The following OSBPL3 variants were observed in gnomAD, a reference collection of about 807,000 sequenced individuals.
OSBPL3 encodes oxysterol-binding protein-related protein 3.
In OSBPL3, 65 loss-of-function variants were observed where a neutral mutation model predicts 120.1. That is an observed-to-expected ratio of 0.54 (90% CI 0.44 to 0.67). The LOEUF (loss-of-function observed/expected upper bound fraction) is 0.67, where lower values mean the gene tolerates loss of function less well. Ranked by LOEUF, OSBPL3 falls within the 30% of genes least tolerant of loss-of-function variation. The probability of loss-of-function intolerance (pLI) is 0.00; values close to 1 mark genes in which losing one functional copy is unlikely to be tolerated. For synonymous variants in OSBPL3, 416 were observed against 402.6 expected (o/e 1.03, Z -0.40); for missense variants, 1,004 against 1,082.1 (o/e 0.93, Z 1.01).
At chr7:24,838,046 A>T (rs1797231275) in intron 14 of OSBPL3, among the ~76,000 whole-genome samples, 1 of 152,198 alleles carries the variant, frequency 6.6e-6, no homozygotes, top group Non-Finnish European at 1.5e-5. Context: ...TGTAAAGGTT[A>T]TTTCTGTATC....
chr7:24,885,089 G>T (rs1246579528), intron 2 of OSBPL3, among the ~76,000 whole-genome samples: 1 of 151,948 alleles, frequency 6.6e-6, no homozygotes, highest in African/African-American at 2.4e-5. Context: ...GGTACTACAG[G>T]TGCACACCTG....
rs1164237593 is a variant in OSBPL3 at position 24,797,490 on chromosome 7, T to C, written c.*2693A>G. On this transcript the variant is annotated 3_prime_UTR_variant, in exon 23 of 23. Coordinates refer to ENST00000313367, the MANE Select transcript of OSBPL3 (RefSeq NM_015550.4). This position sits in a 1 kb window ranked among gnomAD's most constrained non-coding sequence, Gnocchi z 4.8. The stretch of plus-strand genomic sequence containing the variant: ...CATGGAGAAGCTGCATTGAGGCTTT[T>C]ATTATTAATACCTATGACTCAAGGA... The C allele has an allele frequency of 6.6e-6, 1 of 152,146 alleles. No homozygotes were observed. The highest frequency in any genetic ancestry group is 1.5e-5 in the Non-Finnish European group (1 of 68,044). 9.4% of individuals were successfully genotyped at this position (152,146 alleles called of 1,614,324 possible). A position where few individuals can be genotyped will look rare whatever the true frequency, so the allele number is the denominator to read the frequency against.
chr7:24,945,376 A>G (rs934389058), intron 1 of OSBPL3, among the ~76,000 whole-genome samples: 1 of 152,238 alleles, frequency 6.6e-6, no homozygotes, highest in African/African-American at 2.4e-5. Context: ...TTCATTCAAC[A>G]TAGACTTAGT....
At chr7:24,905,920 T>A (rs1340758784) in intron 1 of OSBPL3, among the ~76,000 whole-genome samples, 1 of 151,862 alleles carries the variant, frequency 6.6e-6, no homozygotes, top group Non-Finnish European at 1.5e-5. Flanking sequence ...TAATCCCAGC[T>A]ATTTGGGAGG....
Position 24,970,628 on chromosome 7 carries a change from C to T in OSBPL3, c.-150+9258G>A, listed in dbSNP as rs182468897. 8.4e-3 allele frequency among the ~76,000 whole-genome samples: 1,277 copies of T among 152,140 alleles called. 27 individuals carry two copies. The highest frequency in any genetic ancestry group is 0.029 in the African/African-American group (1,197 of 41,470). On this transcript the variant is annotated intron_variant, in intron 1 of 22. Transcript: ENST00000313367. ...TAGAGAGAAGGAGGAGTGCTATAAACATATATATCCCGAACTGAAGTGAAT... is the reference window on the plus strand; with the variant it reads ...TAGAGAGAAGGAGGAGTGCTATAAATATATATATCCCGAACTGAAGTGAAT...
At chr7:24,902,734 T>TAATA (rs998538835) in intron 1 of OSBPL3, among the ~76,000 whole-genome samples, 2 of 147,060 alleles carry the variant, frequency 1.4e-5, no homozygotes, top group Non-Finnish European at 3.0e-5. Flanking sequence ...ATAATAATAA[T>TAATA]AAAGAAAGGA....
chr7:24,864,684 TC>T (rs1398478884), intron 7 of OSBPL3, among the ~76,000 whole-genome samples: 2 of 152,296 alleles, frequency 1.3e-5, no homozygotes, highest in African/African-American at 4.8e-5. Context: ...TATGCCTAAA[TC>T]CCACCCCCAG....
At position 24,968,448 on chromosome 7, in the gene OSBPL3, G is replaced by A. The variant is rs1236120967; in HGVS notation, c.-150+11438C>T. On this transcript the variant is annotated intron_variant, in intron 1 of 22. Transcript: ENST00000313367. The surrounding 1 kb of genome is among the most constrained non-coding windows in gnomAD (Gnocchi z 4.6). ...GTCTCCCTCTGTCACCCAGACTGGA[G>A]TGCAGTGGCGTGATCTTGGCTCACT... Among the ~76,000 whole-genome samples the A allele has an allele frequency of 6.6e-6, 1 of 152,130 alleles. No individual in the cohort carries two copies. The highest frequency in any genetic ancestry group is 1.5e-5 in the Non-Finnish European group (1 of 68,032).
intron 16 of OSBPL3, among the ~76,000 whole-genome samples, chr7:24,823,752 AG>A (rs1321608225): frequency 5.9e-5 from 9 of 152,228 alleles, no homozygotes; most frequent in Non-Finnish European, 8.8e-5. Context: ...TTAGCATCAA[AG>A]GTGGTGGCGG....
chr7:24,845,138 C>A (rs1372655320), intron 12 of OSBPL3, among the ~76,000 whole-genome samples: 8 of 151,878 alleles, frequency 5.3e-5, no homozygotes, highest in Non-Finnish European at 1.0e-4. Flanking sequence ...ATATATATTA[C>A]CTAATTACAC....
rs1026967300 is a variant in OSBPL3, at chr7:24,815,308, T to C, written c.2028-105A>G. 2 of 849,248 alleles carry C rather than the reference T, an allele frequency of 2.4e-6. No homozygotes were observed. Among genetic ancestry groups the C allele is most frequent in the East Asian group, 2.5e-5 (1 of 39,884 alleles). 52.6% of individuals were successfully genotyped at this position (849,248 alleles called of 1,614,324 possible). On this transcript the variant is annotated intron_variant, in intron 18 of 22. Coordinates refer to ENST00000313367, the MANE Select transcript of OSBPL3 (RefSeq NM_015550.4). This position sits in a 1 kb window ranked among gnomAD's most constrained non-coding sequence, Gnocchi z 5.1. ...AATAAGTCATGCAATGCATTATTCA[T>C]CTCTTTATTCACAGAAGCAACACTG...
At chr7:24,926,160 C>A (rs1811018306) in intron 1 of OSBPL3, among the ~76,000 whole-genome samples, 1 of 152,176 alleles carries the variant, frequency 6.6e-6, no homozygotes, top group African/African-American at 2.4e-5. Flanking sequence ...TAGTGACCTA[C>A]TGGCACCTAT....
rs1301974559 is a variant in OSBPL3 at position 24,967,745 on chromosome 7, CCCAAAGGTT to C, written c.-150+12132_-150+12140del. Among the ~76,000 whole-genome samples, 4 of 152,138 alleles carry C rather than the reference CCCAAAGGTT, an allele frequency of 2.6e-5. No individual in the cohort carries two copies. Among genetic ancestry groups the C allele is most frequent in the Admixed American group, 2.6e-4 (4 of 15,268 alleles). ...TCCCCCTTTCTCTCCTGGGACCTGC[CCCAAAGGTT>C]CTATAGGTAAAGGCCCCCTTAACTG... On this transcript the variant is annotated intron_variant, in intron 1 of 22. Coordinates refer to ENST00000313367, the MANE Select transcript of OSBPL3 (RefSeq NM_015550.4). The surrounding 1 kb of genome is among the most constrained non-coding windows in gnomAD (Gnocchi z 5.6).
chr7:24,807,951 A>G (rs535226174), intron 20 of OSBPL3, among the ~76,000 whole-genome samples: 20 of 151,896 alleles, frequency 1.3e-4, no homozygotes, highest in African/African-American at 4.6e-4. Flanking sequence ...AGGCTGGAGG[A>G]CAGTGACACG....
In OSBPL3 at chr7:24,871,799, TG is replaced by T. The variant is rs1802153655; in HGVS notation, c.214-5del. On this transcript the variant is annotated splice_polypyrimidine_tract_variant and splice_region_variant and intron_variant, in intron 3 of 22. Coordinates refer to ENST00000313367, the MANE Select transcript of OSBPL3 (RefSeq NM_015550.4). This position sits in a 1 kb window ranked among gnomAD's most constrained non-coding sequence, Gnocchi z 4.8. ...CTTTGTCCAGATAGAAGAATCTCTG[TG>T]GGGAAGAAAGTATTATTAATTAAGG... 1 of 1,609,110 alleles carries T rather than the reference TG, an allele frequency of 6.2e-7. No homozygotes were observed. Among genetic ancestry groups the T allele is most frequent in the African/African-American group, 1.3e-5 (1 of 74,788 alleles).
chr7:24,948,306 A>G (rs1186824276), intron 1 of OSBPL3, among the ~76,000 whole-genome samples: 3 of 152,264 alleles, frequency 2.0e-5, no homozygotes, highest in Non-Finnish European at 4.4e-5. Context: ...CTTCTATACA[A>G]AAGAATTAAA....
intron 2 of OSBPL3, among the ~76,000 whole-genome samples, chr7:24,882,198 G>A (rs34422201): frequency 0.16 from 24,906 of 151,694 alleles, 2,656 homozygotes; most frequent in East Asian, 0.5. Flanking sequence ...GGGCTTTCAG[G>A]GTATCCATCA....
intron 12 of OSBPL3, among the ~76,000 whole-genome samples, chr7:24,846,831 G>A (rs1276496154): frequency 4.6e-5 from 7 of 152,204 alleles, no homozygotes; most frequent in East Asian, 3.9e-4. Flanking sequence ...TTGGGAGGCC[G>A]AGGTGGGTGG....
In OSBPL3 at chr7:24,913,546, A is replaced by G. The variant is rs1037630534; in HGVS notation, c.-149-20925T>C. Among the ~76,000 whole-genome samples the G allele has an allele frequency of 1.3e-5, 2 of 152,130 alleles. No homozygotes were observed. Among genetic ancestry groups the G allele is most frequent in the African/African-American group, 4.8e-5 (2 of 41,426 alleles). On this transcript the variant is annotated intron_variant, in intron 1 of 22. Coordinates refer to ENST00000313367, the MANE Select transcript of OSBPL3 (RefSeq NM_015550.4). The surrounding 1 kb of genome is among the most constrained non-coding windows in gnomAD (Gnocchi z 5.3). ...AGTGTGGGGGCCAATCAGCTGACAA[A>G]GGCCGGTATGTGTCTGATAGTGACA...
Sources: allele counts gnomAD v4.1 joint callset (sites outside exome capture counted in the v4.1 genomes callset), GRCh38; gene constraint gnomAD v4.1.1; non-coding constraint Gnocchi (gnomAD v3.1); transcripts MANE v1.5; gene names NCBI Gene and HGNC (gene_info 2026-07-23, HGNC 2026-07-21).